SLC44A2: variants seen among roughly 807,000 people sequenced by gnomAD.
SLC44A2 encodes the protein choline transporter-like protein 2.
SLC44A2 carries 57 observed loss-of-function variants against 90.8 expected under a neutral mutation model. That is an observed-to-expected ratio of 0.63 (90% CI 0.51 to 0.78). The LOEUF (loss-of-function observed/expected upper bound fraction) is 0.78, where lower values mean the gene tolerates loss of function less well. SLC44A2 is among the 30% of genes least tolerant of loss of function. The pLI, the probability that SLC44A2 is intolerant of heterozygous loss-of-function variation, is 0.00. For missense variants in SLC44A2, 794 were observed against 919.7 expected, an observed-to-expected ratio of 0.86 and a Z score of 1.77; for synonymous variants, 355 against 360.7, an observed-to-expected ratio of 0.98 and a Z score of 0.18.
At chr19:10,625,378 G>T (rs1009203453), upstream of SLC44A2, 29 of 963,036 alleles carry the variant, frequency 3.0e-5, no homozygotes, top group Admixed American at 4.5e-5. Context: ...GTTCCCGGGT[G>T]GGGGCGGGGA....
At position 10,632,130 on chromosome 19, in the gene SLC44A2, T is replaced by C; in HGVS notation, c.797T>C (p.Ile266Thr). 6.2e-7 allele frequency: 1 copy of C among 1,614,098 alleles called. No individual in the cohort carries two copies. The highest frequency in any genetic ancestry group is 8.5e-7 in the Non-Finnish European group (1 of 1,180,000). Reference sequence around the variant, plus strand: ...GGTATTATGGTCTGGGTGATGATCATCATGGTGATTCTGGTGCTGGGCTAC... The same window carrying C: ...GGTATTATGGTCTGGGTGATGATCACCATGGTGATTCTGGTGCTGGGCTAC... ...LAGIMVWVMIIMVILVLGYGI... is the reference protein window; with the variant it reads ...LAGIMVWVMITMVILVLGYGI... The change falls in exon 10 of 22, where the codon ATC becomes ACC. Residue 266 changes from isoleucine (I) to threonine (T), a missense_variant. Coordinates refer to ENST00000335757, the MANE Select transcript of SLC44A2 (RefSeq NM_020428.4).
rs760009102 is a variant in SLC44A2 at position 10,637,683 on chromosome 19, T to G, written c.1631T>G (p.Leu544Arg). ...NKFAKCLMTC[L>R]KCCFWCLEKF... is the part of the protein sequence containing the mutation. ...TTTGCCAAGTGCCTCATGACCTGTC[T>G]CAAATGCTGCTTCTGGTGCCTGGAG... The change falls in exon 17 of 22, where the codon CTC becomes CGC. Residue 544 changes from leucine to arginine, a missense_variant. This residue lies in a region of SLC44A2 where 738 missense variants were observed against 841.1 expected (regional missense o/e 0.88). Transcript: ENST00000335757. The G allele has an allele frequency of 6.2e-7, 1 of 1,614,132 alleles. No homozygotes were observed. The highest frequency in any genetic ancestry group is 1.3e-5 in the African/African-American group (1 of 75,040).
chr19:10,638,532 CTTCCGGG>C (rs1406960719), intron 20 of SLC44A2, among the ~76,000 whole-genome samples: 1 of 152,204 alleles, frequency 6.6e-6, no homozygotes, highest in Non-Finnish European at 1.5e-5. Flanking sequence ...CAACCTCTGC[CTTCCGGG>C]TTCAAGCGAA....
At chr19:10,627,040 G>C (rs2066941597) in intron 2 of SLC44A2, among the ~76,000 whole-genome samples, 1 of 151,898 alleles carries the variant, frequency 6.6e-6, no homozygotes, top group Admixed American at 6.6e-5. Flanking sequence ...ATAAAATACA[G>C]CCAGGCACGG....
intron 1 of SLC44A2, among the ~76,000 whole-genome samples, chr19:10,619,340 T>C (rs2066880407): frequency 6.8e-6 from 1 of 147,606 alleles, no homozygotes; most frequent in South Asian, 2.1e-4. Context: ...CTGAGGGAGA[T>C]GGGCTTGAGC....
upstream of SLC44A2, chr19:10,625,285 C>T (rs1000615217): frequency 2.3e-4 from 69 of 301,062 alleles, no homozygotes; most frequent in African/African-American, 1.4e-3. Context: ...CAAAACGAAG[C>T]CACGGAAACG....
chr19:10,606,091 A>T (rs1273286723), intron 1 of SLC44A2, among the ~76,000 whole-genome samples: 1 of 152,046 alleles, frequency 6.6e-6, no homozygotes, highest in African/African-American at 2.4e-5. Context: ...TGAGCCCATG[A>T]GTTTGAGACC....
intron 20 of SLC44A2, among the ~76,000 whole-genome samples, chr19:10,638,807 T>A (rs1343222486): frequency 2.0e-5 from 3 of 147,890 alleles, no homozygotes; most frequent in Non-Finnish European, 4.5e-5. Context: ...GCTAACTTTT[T>A]TTTTTTTTTG....
In SLC44A2 at chr19:10,635,466, T is replaced by A; in HGVS notation, c.1184T>A (p.Ile395Asn). Residue 395 changes from isoleucine to asparagine, a missense_variant, in exon 14 of 22, where the codon ATC (isoleucine) becomes AAC (asparagine). Transcript: ENST00000335757. ...LSTSNEAVYK[I>N]FDDSPCPFTA... ...ACTTCCAACGAAGCGGTCTATAAGA[T>A]CTTTGATGACAGCCCCTGCCCATTT... 6.2e-7 allele frequency: 1 copy of A among 1,613,968 alleles called. No individual in the cohort carries two copies. The highest frequency in any genetic ancestry group is 8.5e-7 in the Non-Finnish European group (1 of 1,180,022).
chr19:10,608,016 G>A (rs1479045715), intron 1 of SLC44A2, among the ~76,000 whole-genome samples: 2 of 151,814 alleles, frequency 1.3e-5, no homozygotes, highest in African/African-American at 2.4e-5. Context: ...CAAAGTGCTG[G>A]GATTACAGGT....
At chr19:10,605,160 A>G (rs986476287) in intron 1 of SLC44A2, among the ~76,000 whole-genome samples, 4 of 151,984 alleles carry the variant, frequency 2.6e-5, no homozygotes, top group Admixed American at 6.6e-5. Flanking sequence ...AGGCTGGGGG[A>G]TCACGAGGTC....
upstream of SLC44A2, among the ~76,000 whole-genome samples, chr19:10,623,671 T>A (rs1324947970): frequency 6.6e-6 from 1 of 151,488 alleles, no homozygotes; most frequent in African/African-American, 2.4e-5. Context: ...TGAGATCCTG[T>A]CTCTATTTTT....
At chr19:10,623,091 G>A (rs1488163371), upstream of SLC44A2, among the ~76,000 whole-genome samples, 1 of 152,040 alleles carries the variant, frequency 6.6e-6, no homozygotes, top group Non-Finnish European at 1.5e-5. Context: ...CTGTGTAGTT[G>A]GGAAGAGAAG....
upstream of SLC44A2, among the ~76,000 whole-genome samples, chr19:10,621,422 G>GTTTTTTTTTT (rs34643212): frequency 2.0e-3 from 178 of 89,348 alleles, no homozygotes; most frequent in Non-Finnish European, 2.4e-3. Flanking sequence ...ATGGTTGGGT[G>GTTTTTTTTTT]TTTTTTTTTT....
chr19:10,642,756 CATCT>C (rs2067131593), intron 21 of SLC44A2: 1 of 1,118,406 alleles, frequency 8.9e-7, no homozygotes, highest in African/African-American at 1.6e-5. Flanking sequence ...CTGGTCTCTC[CATCT>C]GTTTTTTTTG....
In SLC44A2 at chr19:10,638,266, T is replaced by G; in HGVS notation, c.1880T>G (p.Ile627Ser). ...TTCTTCTTCACCCACCGTATCAGGA[T>G]CGTGCAGGATACAGCACCACCCCTC... is the stretch of plus-strand genomic sequence containing the variant. Reference protein sequence around the residue: ...AFFFFTHRIRIVQDTAPPLNY... With the variant: ...AFFFFTHRIRSVQDTAPPLNY... The change falls in exon 20 of 22, where the codon ATC becomes AGC. Residue 627 changes from isoleucine (I) to serine (S), a missense_variant. By Grantham distance (142) the Ile-to-Ser change is moderately radical. Coordinates refer to ENST00000335757, the MANE Select transcript of SLC44A2 (RefSeq NM_020428.4). The G allele has an allele frequency of 6.2e-7, 1 of 1,614,106 alleles. No homozygotes were observed. The highest frequency in any genetic ancestry group is 8.5e-7 in the Non-Finnish European group (1 of 1,180,032).
intron 1 of SLC44A2, 139 bp downstream of exon 1, chr19:10,625,809 C>T: frequency 1.3e-6 from 1 of 741,420 alleles, no homozygotes; most frequent in Non-Finnish European, 1.9e-6. Flanking sequence ...TCCCCACCAT[C>T]AGCCAGGCCC....
intron 1 of SLC44A2, among the ~76,000 whole-genome samples, chr19:10,616,023 A>G (rs1332115290): frequency 6.6e-6 from 1 of 151,892 alleles, no homozygotes; most frequent in African/African-American, 2.4e-5. Context: ...TTAGCCGGGC[A>G]TGGTGACATG....
chr19:10,637,505 G>C (rs1341662927), intron 16 of SLC44A2, 139 bp from the exon 17 acceptor site: 1 of 723,204 alleles, frequency 1.4e-6, no homozygotes, highest in Non-Finnish European at 2.4e-6. Flanking sequence ...TCAAACTCCT[G>C]GGCTTAAGTC....
Sources: gnomAD v4.1 joint callset for allele counts (sites outside exome capture counted in the v4.1 genomes callset) on GRCh38, gnomAD v4.1.1 for gene constraint, gnomAD v4.1.1 regional missense constraint, MANE v1.5 for transcripts, NCBI Gene and HGNC (gene_info 2026-07-23, HGNC 2026-07-21) for gene names.